The following PCDH7 variants were observed in gnomAD, a reference collection of about 807,000 sequenced individuals.
The protein encoded by PCDH7 is protocadherin-7.
Under a neutral mutation model 58.9 loss-of-function variants are expected in PCDH7, and 17 were observed. That is an observed-to-expected ratio of 0.29 (90% CI 0.20 to 0.43). The LOEUF is 0.43. PCDH7 is among the 20% of genes least tolerant of loss of function. The pLI is 1.00. For missense variants in PCDH7, 1,274 were observed against 1,441.0 expected (o/e 0.88, Z 1.88); for synonymous variants, 664 against 616.4 (o/e 1.08, Z -1.14).
chr4:31,057,315 A>G (rs1244230461), intron 3 of PCDH7, among the ~76,000 whole-genome samples: 4 of 152,198 alleles, frequency 2.6e-5, no homozygotes, highest in Admixed American at 2.6e-4. Flanking sequence ...GAAAATGGGA[A>G]GATGAAGCCA....
chr4:31,129,118 A>T (rs1252144714), intron 3 of PCDH7, among the ~76,000 whole-genome samples: 1 of 152,170 alleles, frequency 6.6e-6, no homozygotes, highest in Non-Finnish European at 1.5e-5. Flanking sequence ...TGAGCATGGG[A>T]CTGGAATGGT....
chr4:30,807,031 A>G (rs1726307810), intron 1 of PCDH7, among the ~76,000 whole-genome samples: 1 of 152,194 alleles, frequency 6.6e-6, no homozygotes, highest in Non-Finnish European at 1.5e-5. Context: ...AAGCATCTCC[A>G]GCCATCCTTT....
intron 3 of PCDH7, among the ~76,000 whole-genome samples, chr4:31,034,106 C>CAAAT (rs1250800454): frequency 1.3e-5 from 2 of 151,736 alleles, no homozygotes; most frequent in East Asian, 3.9e-4. Context: ...AACAAACAAA[C>CAAAT]AAACAAACAA....
chr4:30,990,413 C>A (rs1751370035), intron 3 of PCDH7, among the ~76,000 whole-genome samples: 1 of 152,052 alleles, frequency 6.6e-6, no homozygotes, highest in African/African-American at 2.4e-5. Flanking sequence ...ATGCTACTTA[C>A]TATGATTTTG....
chr4:30,931,567 T>C (rs11732061), intron 2 of PCDH7, among the ~76,000 whole-genome samples: 14,093 of 151,566 alleles, frequency 0.093, 780 homozygotes, highest in Non-Finnish European at 0.12. Context: ...AGAGCGAAAC[T>C]CCATCTCAAA....
At chr4:30,893,703 C>T (rs955999920) in intron 1 of PCDH7, among the ~76,000 whole-genome samples, 6 of 151,952 alleles carry the variant, frequency 3.9e-5, no homozygotes, top group Admixed American at 6.6e-5. Flanking sequence ...TAGGTAAATC[C>T]CTTTGTGTGT....
At chr4:30,930,390 T>A (rs1318071010) in intron 2 of PCDH7, among the ~76,000 whole-genome samples, 2 of 152,190 alleles carry the variant, frequency 1.3e-5, no homozygotes, top group African/African-American at 4.8e-5. Context: ...ACTTAAGGTA[T>A]CTTTGAAAAA....
At chr4:31,080,544 C>T (rs770346855) in intron 3 of PCDH7, among the ~76,000 whole-genome samples, 2 of 152,032 alleles carry the variant, frequency 1.3e-5, no homozygotes, top group East Asian at 1.9e-4. Context: ...CTGAGACTTA[C>T]TATAAAATAA....
intron 1 of PCDH7, among the ~76,000 whole-genome samples, chr4:30,725,563 A>G (rs1483293487): frequency 1.3e-5 from 2 of 152,172 alleles, no homozygotes; most frequent in African/African-American, 4.8e-5. Context: ...GCATCCTCAG[A>G]AAGTTTACTT....
At chr4:31,046,537 A>G (rs995556430) in intron 3 of PCDH7, among the ~76,000 whole-genome samples, 1 of 152,088 alleles carries the variant, frequency 6.6e-6, no homozygotes, top group Non-Finnish European at 1.5e-5. Context: ...CTGATGATTG[A>G]AAATGTTTAA....
Position 31,039,924 on chromosome 4 carries a change from T to A in PCDH7, c.*7+89709T>A, listed in dbSNP as rs191116870. Among the ~76,000 whole-genome samples, 30 of 152,242 alleles carry A rather than the reference T, an allele frequency of 2.0e-4. No individual in the cohort carries two copies. The East Asian group carries it at 5.2e-3, about 26-fold the overall frequency. On this transcript the variant is annotated intron_variant, in intron 3 of 3. Coordinates refer to the PCDH7 transcript ENST00000509759. Reference sequence around the variant, plus strand: ...CTAGACATTCAAACTAAGATTGTTCTCCCCTCATGTAGAATCTGCACTCAG... The same window carrying A: ...CTAGACATTCAAACTAAGATTGTTCACCCCTCATGTAGAATCTGCACTCAG...
intron 3 of PCDH7, among the ~76,000 whole-genome samples, chr4:31,036,317 C>CCT (rs1755409183): frequency 2.0e-5 from 3 of 152,084 alleles, no homozygotes; most frequent in Non-Finnish European, 2.9e-5. Context: ...TCCTCAGTAG[C>CCT]GGGGATTACA....
At chr4:31,072,396 C>A (rs955757133) in intron 3 of PCDH7, among the ~76,000 whole-genome samples, 2 of 151,944 alleles carry the variant, frequency 1.3e-5, no homozygotes, top group African/African-American at 4.8e-5. Flanking sequence ...AAGACTCATG[C>A]ATGAATAATT....
chr4:30,877,391 C>T (rs1160475743), intron 1 of PCDH7, among the ~76,000 whole-genome samples: 1 of 152,052 alleles, frequency 6.6e-6, no homozygotes, highest in Non-Finnish European at 1.5e-5. Context: ...TACTCTGGCA[C>T]CTCGTAGTGT....
chr4:30,803,532 C>T (rs189858428), intron 1 of PCDH7, among the ~76,000 whole-genome samples: 35 of 152,184 alleles, frequency 2.3e-4, no homozygotes, highest in African/African-American at 4.1e-4. Flanking sequence ...CAAACTCCGG[C>T]GCTCAAGAGA....
chr4:31,108,416 T>C (rs1453994471), intron 3 of PCDH7, among the ~76,000 whole-genome samples: 1 of 125,260 alleles, frequency 8.0e-6, no homozygotes, highest in African/African-American at 3.0e-5. Context: ...AAAATCACTT[T>C]CTAATTATAC....
chr4:30,888,260 A>G (rs1286866994), intron 1 of PCDH7, among the ~76,000 whole-genome samples: 1 of 151,036 alleles, frequency 6.6e-6, no homozygotes, highest in Non-Finnish European at 1.5e-5. Flanking sequence ...GGCACTTTCT[A>G]TGAAGTAGTC....
At chr4:30,968,340 C>CTATATATATA (rs200973688) in intron 3 of PCDH7, among the ~76,000 whole-genome samples, 1 of 83,478 alleles carries the variant, frequency 1.2e-5, no homozygotes, top group African/African-American at 6.0e-5. Flanking sequence ...TATACACACA[C>CTATATATATA]TATATATATA....
chr4:30,828,894 T>A (rs1446853652), intron 1 of PCDH7, among the ~76,000 whole-genome samples: 2 of 152,096 alleles, frequency 1.3e-5, no homozygotes, highest in African/African-American at 2.4e-5. Flanking sequence ...ATCAATATAT[T>A]TCTTAACTCA....
Sources: gnomAD v4.1 joint callset for allele counts (sites outside exome capture counted in the v4.1 genomes callset) on GRCh38, gnomAD v4.1.1 for gene constraint, MANE v1.5 for transcripts, NCBI Gene and HGNC (gene_info 2026-07-23, HGNC 2026-07-21) for gene names.